Variants in FAT3 observed in about 807,000 individuals in gnomAD.
The protein encoded by FAT3 is protocadherin Fat 3.
FAT3 carries 95 observed loss-of-function variants against 310.2 expected under a neutral mutation model. The observed-to-expected ratio is 0.31, with a 90% CI of 0.26 to 0.36. FAT3 has a LOEUF of 0.36. Among genes scored for constraint, FAT3 ranks in the 10% least tolerant of loss-of-function variants. FAT3 has a pLI of 1.00. For synonymous variants in FAT3, 2,314 were observed against 2,192.9 expected, an observed-to-expected ratio of 1.06 and a Z score of -1.54; for missense variants, 5,408 against 5,715.6, an observed-to-expected ratio of 0.95 and a Z score of 1.74.
chr11:92,611,906 T>A (rs1940578984), intron 3 of FAT3, among the ~76,000 whole-genome samples: 1 of 152,218 alleles, frequency 6.6e-6, no homozygotes, highest in Admixed American at 6.5e-5. Flanking sequence ...TTTCACCGCA[T>A]ACCCCTTTAG....
chr11:92,310,050 A>C (rs971062795), intron 1 of FAT3, among the ~76,000 whole-genome samples: 3 of 152,084 alleles, frequency 2.0e-5, no homozygotes, highest in East Asian at 1.9e-4. Context: ...GTTTTCAAAG[A>C]AAAACAACAA....
At chr11:92,418,301 TG>T (rs1410036492) in intron 2 of FAT3, among the ~76,000 whole-genome samples, 1 of 152,032 alleles carries the variant, frequency 6.6e-6, no homozygotes, top group Non-Finnish European at 1.5e-5. Flanking sequence ...TTTTAGGTAA[TG>T]GTCCCCTTAG....
At chr11:92,871,087 T>C (rs77971368) in intron 22 of FAT3, among the ~76,000 whole-genome samples, 2,328 of 152,282 alleles carry the variant, frequency 0.015, 57 homozygotes, top group African/African-American at 0.053. Context: ...GAGTTCAAGG[T>C]TATAGTGAGC....
intron 2 of FAT3, among the ~76,000 whole-genome samples, chr11:92,519,768 T>C (rs2135343763): frequency 1.3e-5 from 2 of 152,246 alleles, no homozygotes; most frequent in Admixed American, 6.5e-5. Context: ...AAATAAGCAC[T>C]TTTAAAGATG....
chr11:92,522,985 C>T (rs1170339362), intron 2 of FAT3, among the ~76,000 whole-genome samples: 1 of 152,128 alleles, frequency 6.6e-6, no homozygotes, highest in African/African-American at 2.4e-5. Context: ...AGAGCACCTT[C>T]GGCACACACT....
At chr11:92,643,684 A>C (rs1251203747) in intron 3 of FAT3, among the ~76,000 whole-genome samples, 7 of 152,226 alleles carry the variant, frequency 4.6e-5, no homozygotes, top group Admixed American at 3.3e-4. Flanking sequence ...TGGCATTATG[A>C]ATTCCCCAAT....
chr11:92,824,342 G>A (rs79397712), intron 13 of FAT3, among the ~76,000 whole-genome samples: 1 of 152,036 alleles, frequency 6.6e-6, no homozygotes, highest in African/African-American at 2.4e-5. Flanking sequence ...GGGTGACAGA[G>A]TGAGACTCTG....
At chr11:92,381,299 C>G (rs1436833503) in intron 2 of FAT3, among the ~76,000 whole-genome samples, 1 of 152,076 alleles carries the variant, frequency 6.6e-6, no homozygotes, top group Admixed American at 6.5e-5. Context: ...CACTTGAGGT[C>G]GGTCAGGAGT....
At chr11:92,543,360 G>A (rs1478173001) in intron 3 of FAT3, among the ~76,000 whole-genome samples, 3 of 152,262 alleles carry the variant, frequency 2.0e-5, no homozygotes, top group South Asian at 2.1e-4. Context: ...AAAAAGGTAA[G>A]TATATTATGT....
At chr11:92,750,045 A>T (rs1945788517) in intron 4 of FAT3, among the ~76,000 whole-genome samples, 1 of 152,232 alleles carries the variant, frequency 6.6e-6, no homozygotes, top group South Asian at 2.1e-4. Context: ...ATGAGTTCAC[A>T]TTCGTTCACC....
At chr11:92,326,099 G>C (rs999580390) in intron 1 of FAT3, among the ~76,000 whole-genome samples, 9 of 152,230 alleles carry the variant, frequency 5.9e-5, no homozygotes, top group Non-Finnish European at 1.0e-4. Context: ...CTGAACACCA[G>C]AGTCATGGAG....
intron 3 of FAT3, among the ~76,000 whole-genome samples, chr11:92,668,529 C>T (rs751202010): frequency 1.6e-4 from 25 of 152,174 alleles, no homozygotes; most frequent in Non-Finnish European, 3.1e-4. Flanking sequence ...GGGTGTTGGA[C>T]TCACAAATAT....
chr11:92,757,191 C>G (rs749223993), intron 4 of FAT3, among the ~76,000 whole-genome samples: 2 of 151,952 alleles, frequency 1.3e-5, no homozygotes, highest in Non-Finnish European at 2.9e-5. Flanking sequence ...CCCAAAGTGC[C>G]AGGATTACAG....
At chr11:92,698,824 A>C (rs1431439368) in intron 4 of FAT3, among the ~76,000 whole-genome samples, 1 of 152,202 alleles carries the variant, frequency 6.6e-6, no homozygotes, top group Non-Finnish European at 1.5e-5. Flanking sequence ...TCCAGAAGAC[A>C]GTCCAGGACA....
At chr11:92,285,921 C>G (rs1946551610) in intron 1 of FAT3, among the ~76,000 whole-genome samples, 2 of 152,090 alleles carry the variant, frequency 1.3e-5, no homozygotes, top group African/African-American at 4.8e-5. Flanking sequence ...TACTTCTCCT[C>G]CAGGACGTGG....
chr11:92,464,699 C>A (rs899008357), intron 2 of FAT3, among the ~76,000 whole-genome samples: 1 of 152,144 alleles, frequency 6.6e-6, no homozygotes, highest in African/African-American at 2.4e-5. Flanking sequence ...AAGGATAAGT[C>A]GGAAAAATAA....
intron 21 of FAT3, among the ~76,000 whole-genome samples, chr11:92,861,279 C>A (rs893473404): frequency 1.3e-5 from 2 of 152,142 alleles, no homozygotes; most frequent in Non-Finnish European, 2.9e-5. Context: ...AAAATAGTTT[C>A]TATTAGTAAA....
At chr11:92,415,620 A>C (rs1950391758) in intron 2 of FAT3, among the ~76,000 whole-genome samples, 1 of 152,128 alleles carries the variant, frequency 6.6e-6, no homozygotes, top group Non-Finnish European at 1.5e-5. Flanking sequence ...TGGAAAAATA[A>C]CATTTGTAGT....
chr11:92,315,266 A>G (rs1434793844), intron 1 of FAT3, among the ~76,000 whole-genome samples: 4 of 150,200 alleles, frequency 2.7e-5, no homozygotes, highest in Non-Finnish European at 5.9e-5. Context: ...ACTGAGATTA[A>G]AAATTATTCA....
Sources: allele counts gnomAD v4.1 joint callset (sites outside exome capture counted in the v4.1 genomes callset), GRCh38; gene constraint gnomAD v4.1.1; transcripts MANE v1.5; gene names NCBI Gene and HGNC (gene_info 2026-07-23, HGNC 2026-07-21).